SIPA1L3: variants seen among roughly 807,000 people sequenced by gnomAD.
SIPA1L3 encodes the protein signal-induced proliferation-associated 1-like protein 3.
In SIPA1L3, 59 loss-of-function variants were observed where a neutral mutation model predicts 150.1. The ratio of observed to expected loss-of-function variants is 0.39; its 90% CI spans 0.32 to 0.49. The LOEUF (loss-of-function observed/expected upper bound fraction) is 0.49, where lower values mean the gene tolerates loss of function less well. Ranked by LOEUF, SIPA1L3 falls within the 20% of genes least tolerant of loss-of-function variation. The pLI is 0.86. For missense variants in SIPA1L3, 2,211 were observed against 2,489.5 expected (o/e 0.89, Z 2.38); for synonymous variants, 1,070 against 1,077.6 (o/e 0.99, Z 0.14).
rs958039562 is a variant in SIPA1L3, at chr19:38,082,754, C to G, written c.1189C>G (p.Pro397Ala). 9.3e-6 allele frequency: 15 copies of G among 1,612,864 alleles called. No individual in the cohort carries two copies. Among genetic ancestry groups the G allele is most frequent in the Non-Finnish European group, 1.3e-5 (15 of 1,179,878 alleles). ...SRAHSLGGLDPAFTSTEDLNC... is the reference protein window; with the variant it reads ...SRAHSLGGLDAAFTSTEDLNC... ...GGCCCACAGCCTCGGAGGCCTGGAC[C>G]CGGCCTTCACCAGCACAGAGGACCT... The change falls in exon 3 of 22, where the codon CCG becomes GCG. Residue 397 changes from proline to alanine, a missense_variant. Pro to Ala is a conservative substitution (Grantham distance 27). This residue lies in a region of SIPA1L3 where 587 missense variants were observed against 534.5 expected (regional missense o/e 1.10). Transcript: ENST00000222345.
intron 20 of SIPA1L3, 117 bp from the exon 21 acceptor site, chr19:38,204,010 C>A: frequency 1.3e-6 from 1 of 764,600 alleles, no homozygotes; most frequent in Non-Finnish European, 2.1e-6. Flanking sequence ...TCTCCTCAGG[C>A]TTTGCTAGAA....
intron 1 of SIPA1L3, among the ~76,000 whole-genome samples, chr19:37,942,813 C>T (rs1036436592): frequency 6.6e-6 from 1 of 152,058 alleles, no homozygotes; most frequent in African/African-American, 2.4e-5. Flanking sequence ...CCAGCGGGTT[C>T]AGGCTTTGGT....
chr19:38,029,706 C>T (rs905407142), intron 2 of SIPA1L3, among the ~76,000 whole-genome samples: 2 of 152,090 alleles, frequency 1.3e-5, no homozygotes, highest in Non-Finnish European at 2.9e-5. Flanking sequence ...TCAAGCGATT[C>T]TCCTGCTTCA....
chr19:38,134,274 G>A (rs1971381178), intron 10 of SIPA1L3, among the ~76,000 whole-genome samples: 1 of 151,268 alleles, frequency 6.6e-6, no homozygotes, highest in African/African-American at 2.4e-5. Context: ...ATGAGCCACT[G>A]CACCCAGCCC....
At chr19:37,977,702 T>C (rs1967108928) in intron 1 of SIPA1L3, among the ~76,000 whole-genome samples, 1 of 152,148 alleles carries the variant, frequency 6.6e-6, no homozygotes. Context: ...AGAGCGCCCG[T>C]GTCCTCCATG....
chr19:38,142,890 G>A (rs551093120), intron 12 of SIPA1L3, among the ~76,000 whole-genome samples, 180 bp downstream of exon 12: 1 of 152,256 alleles, frequency 6.6e-6, no homozygotes, highest in South Asian at 2.1e-4. Flanking sequence ...GCAAAACTGG[G>A]CCGGGCTGGG....
At chr19:38,014,568 T>A (rs965083590) in intron 1 of SIPA1L3, among the ~76,000 whole-genome samples, 3 of 102,892 alleles carry the variant, frequency 2.9e-5, no homozygotes, top group South Asian at 3.2e-4. Context: ...TTTTTTTTTT[T>A]AAATAAGAGG....
intron 2 of SIPA1L3, among the ~76,000 whole-genome samples, chr19:38,034,063 C>T (rs960042560): frequency 2.0e-5 from 3 of 151,942 alleles, no homozygotes; most frequent in Admixed American, 1.3e-4. Flanking sequence ...GGCAGAGCCG[C>T]TTTGATTCTC....
intron 1 of SIPA1L3, chr19:37,932,428 A>G (rs2046562989): frequency 6.8e-6 from 1 of 147,566 alleles, no homozygotes; most frequent in Non-Finnish European, 1.5e-5. Flanking sequence ...ACGACCAGCC[A>G]TCTCCTGGGG....
chr19:38,016,597 A>G lies in SIPA1L3; in HGVS notation c.-378-12492A>G, dbSNP rs141337966. ...AACCTCTGCCTCCCAGAGTCAAGCA[A>G]TTCTCCTGCCTCAGCCTCCCCGGTA... On this transcript the variant is annotated intron_variant, in intron 1 of 21. Transcript: ENST00000222345. Among the ~76,000 whole-genome samples, 148 of 152,214 alleles carry G rather than the reference A, an allele frequency of 9.7e-4. 2 individuals carry two copies. The East Asian group carries it at 0.028, about 28-fold the overall frequency.
chr19:38,163,693 T>A (rs529806228), intron 14 of SIPA1L3, among the ~76,000 whole-genome samples: 1 of 151,026 alleles, frequency 6.6e-6, no homozygotes, highest in South Asian at 2.1e-4. Flanking sequence ...TGACGGGGAG[T>A]GCCCAGTATG....
chr19:38,026,787 C>T (rs556743414), intron 1 of SIPA1L3, among the ~76,000 whole-genome samples: 66 of 152,264 alleles, frequency 4.3e-4, no homozygotes, highest in Non-Finnish European at 7.9e-4. Flanking sequence ...TCTCTATTTT[C>T]GCTACCCTGT....
intron 1 of SIPA1L3, among the ~76,000 whole-genome samples, chr19:38,017,828 C>T (rs1372046260): frequency 6.6e-6 from 1 of 152,116 alleles, no homozygotes; most frequent in Non-Finnish European, 1.5e-5. Context: ...CCATGCCTGG[C>T]CTCTCTCTGC....
chr19:38,120,682 C>T (rs919209425), intron 9 of SIPA1L3, among the ~76,000 whole-genome samples: 2 of 152,184 alleles, frequency 1.3e-5, no homozygotes, highest in Admixed American at 1.3e-4. Context: ...TATTAAAAGA[C>T]AAAGACTCAC....
chr19:37,939,399 CA>C (rs753230257), intron 1 of SIPA1L3, among the ~76,000 whole-genome samples: 789 of 69,194 alleles, frequency 0.011, 4 homozygotes, highest in African/African-American at 0.032. Flanking sequence ...GACTCCATGT[CA>C]AAAAAAAAAA....
intron 1 of SIPA1L3, among the ~76,000 whole-genome samples, chr19:37,923,134 C>G (rs891512185): frequency 1.4e-5 from 2 of 147,300 alleles, no homozygotes; most frequent in Non-Finnish European, 3.0e-5. Flanking sequence ...GAGACTCCAT[C>G]TCAAAAAAAA....
In SIPA1L3 at chr19:38,164,895, G is replaced by A; in HGVS notation, c.4197G>A (p.Pro1399=). 2.6e-6 allele frequency: 4 copies of A among 1,541,400 alleles called. No individual in the cohort carries two copies. The highest frequency in any genetic ancestry group is 3.5e-6 in the Non-Finnish European group (4 of 1,142,942). The part of the protein sequence containing the change: ...TGLAGGSRDP[P]RQPSDMGSRV... Reference sequence around the variant, plus strand: ...TGGCGGGGGGCAGCCGAGACCCACCGAGGCAGCCCAGGTAAGCTGTTGCAC... The same window carrying A: ...TGGCGGGGGGCAGCCGAGACCCACCAAGGCAGCCCAGGTAAGCTGTTGCAC... The change falls in exon 15 of 22, where the codon CCG becomes CCA. Residue 1399 remains proline (P), a synonymous_variant. Coordinates refer to ENST00000222345, the MANE Select transcript of SIPA1L3 (RefSeq NM_015073.3). The surrounding 1 kb of genome is among the most constrained non-coding windows in gnomAD (Gnocchi z 4.1).
In SIPA1L3 at chr19:38,000,426, C is replaced by A. The variant is rs139940923; in HGVS notation, c.-378-28663C>A. ...GAGGTTTCAGTGAGCCTAGATCACG[C>A]TACTGCATTCCAGCCTGGGCAACAG... On this transcript the variant is annotated intron_variant, in intron 1 of 21. Coordinates refer to ENST00000222345, the MANE Select transcript of SIPA1L3 (RefSeq NM_015073.3). Among the ~76,000 whole-genome samples the A allele has an allele frequency of 9.8e-4, 144 of 146,892 alleles. 1 individual carries two copies. The East Asian group carries it at 0.02, about 20-fold the overall frequency.
intron 18 of SIPA1L3, among the ~76,000 whole-genome samples, chr19:38,195,638 G>A (rs1972904797): frequency 6.6e-6 from 1 of 152,114 alleles, no homozygotes; most frequent in African/African-American, 2.4e-5. Context: ...CCACGGAGAG[G>A]TGGTGACAGA....
Sources: allele counts gnomAD v4.1 joint callset (sites outside exome capture counted in the v4.1 genomes callset), GRCh38; gene constraint gnomAD v4.1.1; regional missense constraint gnomAD v4.1.1; non-coding constraint Gnocchi (gnomAD v3.1); transcripts MANE v1.5; gene names NCBI Gene and HGNC (gene_info 2026-07-23, HGNC 2026-07-21).